The following ADAM32 variants were observed in gnomAD, a reference collection of about 807,000 sequenced individuals.
ADAM32 encodes ADAM metallopeptidase domain 32.
Under a neutral mutation model 114.9 loss-of-function variants are expected in ADAM32, and 89 were observed. The observed-to-expected ratio is 0.77, with a 90% CI of 0.65 to 0.92. ADAM32 has a LOEUF of 0.92. Ranked by LOEUF, ADAM32 falls within the 40% of genes least tolerant of loss-of-function variation. The pLI is 0.00. For missense variants in ADAM32, 870 were observed against 932.8 expected (o/e 0.93, Z 0.88); for synonymous variants, 285 against 307.5 (o/e 0.93, Z 0.77).
At chr8:39,170,158 T>C (rs943930999) in intron 10 of ADAM32, among the ~76,000 whole-genome samples, 161 bp downstream of exon 10, 2 of 152,172 alleles carry the variant, frequency 1.3e-5, no homozygotes, top group Admixed American at 1.3e-4. Flanking sequence ...AAGAATATTT[T>C]GTAGATCAAT....
At chr8:39,180,646 C>T (rs1805810201) in intron 10 of ADAM32, among the ~76,000 whole-genome samples, 1 of 152,240 alleles carries the variant, frequency 6.6e-6, no homozygotes, top group South Asian at 2.1e-4. Context: ...ATTGTAAATA[C>T]ACCAATTGGC....
rs546069148 is a variant in ADAM32, at chr8:39,202,563, C to T, written c.1053-8581C>T. Among the ~76,000 whole-genome samples, 1,241 of 152,196 alleles carry T rather than the reference C, an allele frequency of 8.2e-3. 5 individuals carry two copies. Among genetic ancestry groups the T allele is most frequent in the Non-Finnish European group, 0.014 (935 of 67,996 alleles). Reference sequence around the variant, plus strand: ...CTAGCAGTCTATCAATTTTGTTGATCTTTTCAAAAAACCAGCTCCTGGATT... The same window carrying T: ...CTAGCAGTCTATCAATTTTGTTGATTTTTTCAAAAAACCAGCTCCTGGATT... On this transcript the variant is annotated intron_variant, in intron 11 of 24. Coordinates refer to ENST00000379907, the MANE Select transcript of ADAM32 (RefSeq NM_145004.7).
In ADAM32 at chr8:39,182,951, C is replaced by T. The variant is rs559538210; in HGVS notation, c.916-3958C>T. On this transcript the variant is annotated intron_variant, in intron 10 of 24. Transcript: ENST00000379907. ...CTTGGTGTTGGGTTCTCTAGTTGGG[C>T]TTGGTTGCTTCCCGTACTCTGAGGT... Among the ~76,000 whole-genome samples the T allele has an allele frequency of 2.6e-5, 4 of 152,190 alleles. No individual in the cohort carries two copies. The South Asian group carries it at 8.3e-4, about 32-fold the overall frequency.
intron 11 of ADAM32, among the ~76,000 whole-genome samples, chr8:39,205,867 G>T (rs768519828): frequency 2.0e-5 from 3 of 151,960 alleles, no homozygotes; most frequent in Non-Finnish European, 2.9e-5. Flanking sequence ...TTTTTCAGAC[G>T]TTTCATAGAT....
At chr8:39,151,584 A>C (rs1803830373) in intron 6 of ADAM32, 36 bp downstream of exon 6, 1 of 1,347,322 alleles carries the variant, frequency 7.4e-7, no homozygotes, top group Non-Finnish European at 9.9e-7. Flanking sequence ...CTTTTAAAGC[A>C]GTTATTACTT....
At chr8:39,109,407 C>T (rs1001555027) in intron 1 of ADAM32, among the ~76,000 whole-genome samples, 2 of 151,816 alleles carry the variant, frequency 1.3e-5, no homozygotes, top group East Asian at 1.9e-4. Flanking sequence ...ATTAGCTGGG[C>T]GTGGTGGTGC....
intron 2 of ADAM32, among the ~76,000 whole-genome samples, chr8:39,129,563 C>G (rs1802318689): frequency 6.6e-6 from 1 of 152,016 alleles, no homozygotes; most frequent in African/African-American, 2.4e-5. Context: ...GTGTATAATT[C>G]TTTTTATATG....
chr8:39,257,142 T>C, intron 18 of ADAM32, 45 bp from the exon 19 acceptor site: 1 of 1,474,004 alleles, frequency 6.8e-7, no homozygotes, highest in East Asian at 2.4e-5. Flanking sequence ...TAAAAGTAGA[T>C]AGTTTAATTT....
intron 20 of ADAM32, among the ~76,000 whole-genome samples, chr8:39,272,101 G>GA (rs11366445): frequency 5.0e-4 from 33 of 65,780 alleles, no homozygotes; most frequent in South Asian, 2.4e-3. Flanking sequence ...GTGAGCTCCA[G>GA]AAAAAAAAAA....
chr8:39,125,813 T>C (rs1393231015), intron 2 of ADAM32, among the ~76,000 whole-genome samples: 2 of 152,254 alleles, frequency 1.3e-5, no homozygotes, highest in African/African-American at 4.8e-5. Flanking sequence ...TTTAAGTCTT[T>C]AATCCATCTT....
chr8:39,273,529 A>AAAAC (rs1554629385), intron 20 of ADAM32, among the ~76,000 whole-genome samples: 20,455 of 150,860 alleles, frequency 0.14, 4,366 homozygotes, highest in African/African-American at 0.46. Flanking sequence ...TCCACCTCAA[A>AAAAC]AAACAAACAA....
In ADAM32 at chr8:39,134,625, A is replaced by G. The variant is rs753912790; in HGVS notation, c.139-2032A>G. Among the ~76,000 whole-genome samples, 42 of 152,064 alleles carry G rather than the reference A, an allele frequency of 2.8e-4. 1 individual carries two copies. Among genetic ancestry groups the G allele is most frequent in the Non-Finnish European group, 5.7e-4 (39 of 68,022 alleles). Reference sequence around the variant, plus strand: ...TTGAGGAGGCAAACACAAATTTACCATTATTGTTTAGTAAATTATCTCATG... The same window carrying G: ...TTGAGGAGGCAAACACAAATTTACCGTTATTGTTTAGTAAATTATCTCATG... On this transcript the variant is annotated intron_variant, in intron 2 of 24. Transcript: ENST00000379907.
At chr8:39,224,549 T>G (rs1809212251) in intron 14 of ADAM32, among the ~76,000 whole-genome samples, 2 of 152,222 alleles carry the variant, frequency 1.3e-5, no homozygotes, top group African/African-American at 4.8e-5. Context: ...GAGTTGTATG[T>G]ATTCTCTGGA....
At chr8:39,156,759 C>T (rs151011083) in intron 6 of ADAM32, among the ~76,000 whole-genome samples, 1 of 152,308 alleles carries the variant, frequency 6.6e-6, no homozygotes, top group East Asian at 1.9e-4. Flanking sequence ...CCTGTATCTG[C>T]ACAAGGTCTT....
At chr8:39,254,313 A>T in intron 17 of ADAM32, 101 bp from the exon 18 acceptor site, 1 of 989,790 alleles carries the variant, frequency 1.0e-6, no homozygotes, top group East Asian at 2.8e-5. Context: ...GCTCTAAATA[A>T]ACAAAATTAC....
chr8:39,251,194 T>C (rs1281334472), intron 17 of ADAM32, among the ~76,000 whole-genome samples: 1 of 151,954 alleles, frequency 6.6e-6, no homozygotes, highest in African/African-American at 2.4e-5. Flanking sequence ...TACTCAGTAG[T>C]AGAATTGCTG....
chr8:39,258,413 T>G (rs1811799371), intron 19 of ADAM32, among the ~76,000 whole-genome samples: 1 of 151,984 alleles, frequency 6.6e-6, no homozygotes, highest in Non-Finnish European at 1.5e-5. Context: ...ATCATTTCCT[T>G]TATACTCTCC....
At chr8:39,123,741 C>T (rs1463990366) in intron 2 of ADAM32, among the ~76,000 whole-genome samples, 1 of 137,392 alleles carries the variant, frequency 7.3e-6, no homozygotes, top group East Asian at 2.1e-4. Flanking sequence ...GAGTCTCACT[C>T]TGTCTCCCAG....
chr8:39,241,646 T>A (rs1451886640), intron 16 of ADAM32, among the ~76,000 whole-genome samples: 2 of 152,222 alleles, frequency 1.3e-5, no homozygotes, highest in Admixed American at 6.5e-5. Flanking sequence ...CAGTCACAGC[T>A]TGAGTGGCTG....
Sources: allele counts gnomAD v4.1 joint callset (sites outside exome capture counted in the v4.1 genomes callset), GRCh38; gene constraint gnomAD v4.1.1; transcripts MANE v1.5; gene names NCBI Gene and HGNC (gene_info 2026-07-23, HGNC 2026-07-21).